Variants in PDK1 observed in about 807,000 individuals in gnomAD.
PDK1 encodes the protein [Pyruvate dehydrogenase (acetyl-transferring)] kinase isozyme 1, mitochondrial.
Under a neutral mutation model 54.2 loss-of-function variants are expected in PDK1, and 39 were observed. That is an observed-to-expected ratio of 0.72 (90% CI 0.56 to 0.94). The LOEUF is 0.94. PDK1 is among the 40% of genes least tolerant of loss of function. The pLI is 0.00. For missense variants in PDK1, 552 were observed against 566.0 expected (o/e 0.98, Z 0.25); for synonymous variants, 221 against 207.1 (o/e 1.07, Z -0.58).
At chr2:172,717,112 A>G in the PDK1 span, among the ~76,000 whole-genome samples, 1 of 152,230 alleles carries the variant, frequency 6.6e-6, no homozygotes, top group Non-Finnish European at 1.5e-5. Context: ...TGGCCAATGG[A>G]ATATGGCAGA....
At chr2:172,694,185 G>A in the PDK1 span, among the ~76,000 whole-genome samples, 1 of 152,256 alleles carries the variant, frequency 6.6e-6, no homozygotes, top group Non-Finnish European at 1.5e-5. Context: ...AAGACGTTAG[G>A]ATCCATAGCA....
chr2:172,668,742 A>G, the PDK1 span, among the ~76,000 whole-genome samples: 6 of 147,350 alleles, frequency 4.1e-5, no homozygotes, highest in South Asian at 1.3e-3. Context: ...TTTATTTTAT[A>G]TATATTAAAT....
chr2:172,637,117 T>C, the PDK1 span, among the ~76,000 whole-genome samples: 3 of 152,252 alleles, frequency 2.0e-5, no homozygotes, highest in Admixed American at 6.5e-5. Context: ...GGTTAATGAA[T>C]CTGCATTAGA....
intron 10 of PDK1, 91 bp downstream of exon 10, chr2:172,593,139 A>G: frequency 3.1e-6 from 2 of 644,410 alleles, no homozygotes. Context: ...ACTCTACCAC[A>G]TGCTGTTTAA....
At chr2:172,579,289 T>A (rs1689749260) in intron 8 of PDK1, among the ~76,000 whole-genome samples, 1 of 152,044 alleles carries the variant, frequency 6.6e-6, no homozygotes, top group South Asian at 2.1e-4. Flanking sequence ...CAGAGTCAGG[T>A]CAAATAAATA....
At chr2:172,667,606 A>G in the PDK1 span, among the ~76,000 whole-genome samples, 4 of 152,234 alleles carry the variant, frequency 2.6e-5, no homozygotes, top group Non-Finnish European at 5.9e-5. Context: ...CTAGAAAAGC[A>G]TGGTTTTCGC....
rs959371618 is a variant in PDK1 at position 172,603,915 on chromosome 2, A to C, written c.*7946A>C. On this transcript the variant is annotated 3_prime_UTR_variant, in exon 11 of 11. Transcript: ENST00000282077. Reference sequence around the variant, plus strand: ...GGGTTTAACAAAGGAGAGTCCATTTATATTTGGCTGGTAAGATCGATGCTT... The same window carrying C: ...GGGTTTAACAAAGGAGAGTCCATTTCTATTTGGCTGGTAAGATCGATGCTT... The C allele has an allele frequency of 6.6e-6, 1 of 152,188 alleles. No individual in the cohort carries two copies. Among genetic ancestry groups the C allele is most frequent in the Non-Finnish European group, 1.5e-5 (1 of 68,038 alleles). 9.4% of individuals were successfully genotyped at this position (152,188 alleles called of 1,614,324 possible).
chr2:172,579,036 A>G (rs1306221980), intron 8 of PDK1, among the ~76,000 whole-genome samples: 1 of 152,164 alleles, frequency 6.6e-6, no homozygotes, highest in Non-Finnish European at 1.5e-5. Context: ...GTCTTTCCTG[A>G]GCATGACCCT....
downstream of PDK1, among the ~76,000 whole-genome samples, chr2:172,611,459 A>T (rs1457417785): frequency 3.3e-5 from 5 of 152,308 alleles, no homozygotes; most frequent in African/African-American, 9.6e-5. Context: ...TTTAAAAAAA[A>T]TTACCAGTTT....
At chr2:172,682,667 C>T in the PDK1 span, among the ~76,000 whole-genome samples, 1 of 152,192 alleles carries the variant, frequency 6.6e-6, no homozygotes, top group Non-Finnish European at 1.5e-5. Flanking sequence ...CCAGCCCAGA[C>T]TGTTACATAA....
the PDK1 span, among the ~76,000 whole-genome samples, chr2:172,705,299 G>A: frequency 6.6e-6 from 1 of 152,210 alleles, no homozygotes; most frequent in Non-Finnish European, 1.5e-5. Context: ...AGGTCCAACA[G>A]TCCCTTTCTT....
chr2:172,563,114 A>G (rs896642797), intron 3 of PDK1, among the ~76,000 whole-genome samples: 8 of 152,180 alleles, frequency 5.3e-5, no homozygotes, highest in Non-Finnish European at 1.2e-4. Context: ...GTTTGTGCAC[A>G]AAGAGGGTAA....
chr2:172,662,145 A>G, the PDK1 span, among the ~76,000 whole-genome samples: 1 of 152,184 alleles, frequency 6.6e-6, no homozygotes, highest in Non-Finnish European at 1.5e-5. Context: ...TCCAACATAC[A>G]TTTTCATTAT....
chr2:172,663,803 C>T, the PDK1 span, among the ~76,000 whole-genome samples: 1 of 152,106 alleles, frequency 6.6e-6, no homozygotes, highest in East Asian at 1.9e-4. Flanking sequence ...CCCAATAAAA[C>T]CCTGTCTTAC....
the PDK1 span, among the ~76,000 whole-genome samples, chr2:172,695,697 T>G: frequency 6.6e-6 from 1 of 152,114 alleles, no homozygotes; most frequent in African/African-American, 2.4e-5. Context: ...CTTGCTGGCT[T>G]GATGAATTGC....
At position 172,592,959 on chromosome 2, in the gene PDK1, A is replaced by G. The variant is rs1240686360; in HGVS notation, c.1081A>G (p.Ile361Val). 1 of 1,611,884 alleles carries G rather than the reference A, an allele frequency of 6.2e-7. No homozygotes were observed. Among genetic ancestry groups the G allele is most frequent in the Admixed American group, 1.7e-5 (1 of 59,998 alleles). ...PLAGFGYGLP[I>V]SRLYAQYFQG... ...GGCTGGTTTTGGTTATGGATTGCCCATATCACGTCTTTACGCACAATACTT... is the reference window on the plus strand; with the variant it reads ...GGCTGGTTTTGGTTATGGATTGCCCGTATCACGTCTTTACGCACAATACTT... The change falls in exon 10 of 11, where the codon ATA becomes GTA. Residue 361 changes from isoleucine (I) to valine (V), a missense_variant. By Grantham distance (29) the Ile-to-Val change is conservative. Transcript: ENST00000282077.
the PDK1 span, among the ~76,000 whole-genome samples, chr2:172,615,796 T>C: frequency 4.6e-5 from 7 of 152,332 alleles, no homozygotes; most frequent in South Asian, 2.1e-4. Flanking sequence ...ATGAGACTTA[T>C]TAAATTACAA....
At chr2:172,582,618 T>G (rs962684798) in intron 8 of PDK1, among the ~76,000 whole-genome samples, 3 of 152,240 alleles carry the variant, frequency 2.0e-5, no homozygotes, top group African/African-American at 7.2e-5. Flanking sequence ...TCAATACATT[T>G]GTCATCAAAG....
intron 10 of PDK1, among the ~76,000 whole-genome samples, chr2:172,594,479 A>C (rs140758228): frequency 5.3e-5 from 8 of 152,108 alleles, no homozygotes; most frequent in East Asian, 1.9e-4. Flanking sequence ...AGATTGCACA[A>C]AAAAAAATCT....
Sources: gnomAD v4.1 joint callset for allele counts (sites outside exome capture counted in the v4.1 genomes callset) on GRCh38, gnomAD v4.1.1 for gene constraint, MANE v1.5 for transcripts, NCBI Gene and HGNC (gene_info 2026-07-23, HGNC 2026-07-21) for gene names.